Variants in FAM222B observed in about 807,000 individuals in gnomAD.
FAM222B encodes the protein family with sequence similarity 222 member B, also known as protein FAM222B.
In FAM222B, 12 loss-of-function variants were observed where a neutral mutation model predicts 38.0. The observed-to-expected ratio is 0.32, with a 90% CI of 0.20 to 0.51. FAM222B has a LOEUF of 0.51. Among genes scored for constraint, FAM222B ranks in the 20% least tolerant of loss-of-function variants. The pLI is 0.97. For synonymous variants in FAM222B, 329 were observed against 317.2 expected, an observed-to-expected ratio of 1.04 and a Z score of -0.40; for missense variants, 716 against 754.2, an observed-to-expected ratio of 0.95 and a Z score of 0.59.
At chr17:28,853,037 T>C (rs1372178134) in intron 1 of FAM222B, among the ~76,000 whole-genome samples, 2 of 151,362 alleles carry the variant, frequency 1.3e-5, no homozygotes, top group Non-Finnish European at 2.9e-5. Flanking sequence ...CTACTGAAAA[T>C]ACAAAATTAG....
intron 1 of FAM222B, among the ~76,000 whole-genome samples, chr17:28,840,915 C>T (rs543896841): frequency 6.8e-6 from 1 of 148,084 alleles, no homozygotes; most frequent in South Asian, 2.2e-4. Flanking sequence ...GAACCAAGTT[C>T]GCACCACTGC....
chr17:28,773,023 G>A (rs2035713370), intron 1 of FAM222B, among the ~76,000 whole-genome samples: 3 of 152,160 alleles, frequency 2.0e-5, no homozygotes, highest in Admixed American at 6.5e-5. Context: ...TTTGGTTTGG[G>A]CAGGAAGGAG....
At chr17:28,842,026 C>T (rs188179335) in intron 1 of FAM222B, among the ~76,000 whole-genome samples, 23 of 152,322 alleles carry the variant, frequency 1.5e-4, no homozygotes, top group African/African-American at 2.4e-5. Flanking sequence ...GATACATTAA[C>T]ATCAACATAG....
At chr17:28,824,472 A>G (rs1463121751) in intron 1 of FAM222B, among the ~76,000 whole-genome samples, 2 of 152,102 alleles carry the variant, frequency 1.3e-5, no homozygotes, top group Non-Finnish European at 2.9e-5. Context: ...GGCATGAGCC[A>G]CCACTGTCCA....
chr17:28,839,201 C>T (rs543086281), intron 1 of FAM222B, among the ~76,000 whole-genome samples: 7 of 152,062 alleles, frequency 4.6e-5, no homozygotes, highest in East Asian at 1.9e-4. Flanking sequence ...AGCAGGACTC[C>T]GTCTCAAAAA....
intron 1 of FAM222B, among the ~76,000 whole-genome samples, chr17:28,813,842 G>A (rs1005993016): frequency 2.7e-5 from 4 of 150,010 alleles, no homozygotes; most frequent in African/African-American, 9.8e-5. Flanking sequence ...CACCGCGCCC[G>A]GCATGGAATA....
chr17:28,802,441 C>G (rs566301595), intron 1 of FAM222B: 1 of 152,560 alleles, frequency 6.6e-6, no homozygotes, highest in Admixed American at 6.6e-5. Context: ...CCAATTTGGG[C>G]CTAGCAGAAT....
intron 1 of FAM222B, among the ~76,000 whole-genome samples, chr17:28,839,184 G>T (rs1463095000): frequency 6.6e-6 from 1 of 152,110 alleles, no homozygotes; most frequent in African/African-American, 2.4e-5. Flanking sequence ...TCCAGTCTGG[G>T]CAACAGAGCA....
chr17:28,823,947 G>A (rs2038350886), intron 1 of FAM222B, among the ~76,000 whole-genome samples: 2 of 145,258 alleles, frequency 1.4e-5, no homozygotes, highest in South Asian at 2.2e-4. Context: ...GCACAATCTC[G>A]GCTCACTACA....
In FAM222B at chr17:28,758,282, T is replaced by A. The variant is rs757724870; in HGVS notation, c.1677A>T (p.Pro559=). Residue 559 remains proline, a synonymous_variant, in exon 3 of 3, where the codon CCA becomes CCT. Transcript: ENST00000581407. ...GCAGCAGGGCTACCTATCTATACCC[T>A]GGGTGCTGAATATGAAGACTTCGAC... ...TESRSLHIQH[P]GYR is the part of the protein sequence containing the mutation. The A allele has an allele frequency of 1.3e-6, 2 of 1,586,416 alleles. No homozygotes were observed. The highest frequency in any genetic ancestry group is 1.7e-6 in the Non-Finnish European group (2 of 1,166,568).
intron 1 of FAM222B, among the ~76,000 whole-genome samples, chr17:28,789,093 A>C (rs1344568135): frequency 4.0e-5 from 6 of 151,100 alleles, no homozygotes; most frequent in Admixed American, 1.3e-4. Flanking sequence ...AAAAAAAAAA[A>C]AAAAAAAAAA....
intron 1 of FAM222B, among the ~76,000 whole-genome samples, chr17:28,802,216 G>A (rs1344834438): frequency 2.6e-5 from 4 of 151,866 alleles, no homozygotes; most frequent in Non-Finnish European, 4.4e-5. Flanking sequence ...TCCTGCTTCA[G>A]CCTCCCGAGT....
At chr17:28,848,196 A>C (rs566030753) in intron 1 of FAM222B, among the ~76,000 whole-genome samples, 12 of 152,218 alleles carry the variant, frequency 7.9e-5, no homozygotes, top group African/African-American at 2.4e-4. Flanking sequence ...ATGTCTTCTT[A>C]CATCCAGCTC....
At chr17:28,812,059 A>AG (rs1210639797) in intron 1 of FAM222B, 9 of 152,200 alleles carry the variant, frequency 5.9e-5, no homozygotes, top group Non-Finnish European at 1.3e-4. Context: ...GGTGAGATGA[A>AG]GGGAAGGAAA....
At position 28,758,941 on chromosome 17, in the gene FAM222B, C is replaced by T. The variant is rs780262327; in HGVS notation, c.1018G>A (p.Ala340Thr). ...CCTGTGGGCAGGTTGACAGGACCTG[C>T]AGCAGGCAACGCGGCGGTGGCCGCG... ...THAATAALPA[A>T]GPVNLPTGIS... Residue 340 changes from alanine to threonine, a missense_variant, in exon 3 of 3, where the codon GCA (alanine) becomes ACA (threonine). Physicochemically the swap from Ala to Thr is moderately conservative, Grantham distance 58 (BLOSUM62 0). Coordinates refer to ENST00000581407, the MANE Select transcript of FAM222B (RefSeq NM_001077498.3). 6.2e-7 allele frequency: 1 copy of T among 1,610,002 alleles called. No individual in the cohort carries two copies. Among genetic ancestry groups the T allele is most frequent in the Non-Finnish European group, 8.5e-7 (1 of 1,178,410 alleles).
At chr17:28,829,111 G>A (rs981446886) in intron 1 of FAM222B, among the ~76,000 whole-genome samples, 2 of 151,826 alleles carry the variant, frequency 1.3e-5, no homozygotes, top group Non-Finnish European at 2.9e-5. Flanking sequence ...TCACTACATT[G>A]GCCAGGCTGA....
Position 28,759,819 on chromosome 17 carries a change from G to A in FAM222B, c.140C>T (p.Ala47Val), listed in dbSNP as rs745936897. The A allele has an allele frequency of 4.4e-6, 7 of 1,593,914 alleles. No individual in the cohort carries two copies. The highest frequency in any genetic ancestry group is 5.1e-6 in the Non-Finnish European group (6 of 1,170,202). Reference protein sequence around the residue: ...AHYPTPAELDAYAKKVANNPL... With the variant: ...AHYPTPAELDVYAKKVANNPL... ...GTTGTTTGCGACCTTCTTAGCATAC[G>A]CATCCAATTCGGCTGGGGTAGGATA... The change falls in exon 3 of 3, where the codon GCG (alanine) becomes GTG (valine). Residue 47 changes from alanine to valine, a missense_variant. By Grantham distance (64) the Ala-to-Val change is moderately conservative. Coordinates refer to ENST00000581407, the MANE Select transcript of FAM222B (RefSeq NM_001077498.3). This position sits in a 1 kb window ranked among gnomAD's most constrained non-coding sequence, Gnocchi z 4.8.
chr17:28,835,024 T>TTGTGTGTGTGTGTGTGTG (rs61229770), intron 1 of FAM222B, among the ~76,000 whole-genome samples: 97 of 132,110 alleles, frequency 7.3e-4, no homozygotes, highest in East Asian at 1.4e-3. Flanking sequence ...TCAGCTAATT[T>TTGTGTGTGTGTGTGTGTG]TGTGTGTGTG....
chr17:28,835,008 C>T (rs934255114), intron 1 of FAM222B, among the ~76,000 whole-genome samples: 19 of 138,294 alleles, frequency 1.4e-4, no homozygotes, highest in Non-Finnish European at 6.2e-5. Context: ...GCGCCCACCA[C>T]TACACTCAGC....
Sources: gnomAD v4.1 joint callset for allele counts (sites outside exome capture counted in the v4.1 genomes callset) on GRCh38, gnomAD v4.1.1 for gene constraint, Gnocchi (gnomAD v3.1) non-coding constraint, MANE v1.5 for transcripts, NCBI Gene and HGNC (gene_info 2026-07-23, HGNC 2026-07-21) for gene names.